The following TPM3 variants were observed in gnomAD, a reference collection of about 807,000 sequenced individuals.
The protein encoded by TPM3 is tropomyosin alpha-3 chain.
Under a neutral mutation model 43.1 loss-of-function variants are expected in TPM3, and 16 were observed. The ratio of observed to expected loss-of-function variants is 0.37; its 90% CI spans 0.25 to 0.56. TPM3 has a LOEUF of 0.56. TPM3 is among the 20% of genes least tolerant of loss of function. TPM3 has a pLI of 0.77. For synonymous variants in TPM3, 101 were observed against 116.9 expected (o/e 0.86, Z 0.88); for missense variants, 176 against 337.2 (o/e 0.52, Z 3.74).
chr1:154,160,202 C>G (rs371075294), downstream of TPM3, among the ~76,000 whole-genome samples: 9 of 152,232 alleles, frequency 5.9e-5, no homozygotes, highest in African/African-American at 2.2e-4. Context: ...CAAACTCTTC[C>G]TGGTATACTC....
chr1:154,192,092 T>A lies in TPM3; in HGVS notation c.-74A>T. 1 of 1,305,320 alleles carries A rather than the reference T, an allele frequency of 7.7e-7. No individual in the cohort carries two copies. The highest frequency in any genetic ancestry group is 1.2e-5 in the South Asian group (1 of 84,556). The allele number at this position is 1,305,320 out of a possible 1,614,324, so 80.9% of individuals were successfully genotyped here. ...ACTGGGGCAAGAAAGAAGGGGCTGC[T>A]GCCTGAGTGACCAGGAGGTCCCCAG... On this transcript the variant is annotated 5_prime_UTR_variant, in exon 1 of 10. Transcript: ENST00000651641.
At position 154,164,106 on chromosome 1, in the gene TPM3, T is replaced by C. The variant is rs1660698043; in HGVS notation, c.*3831A>G. 6.6e-6 allele frequency among the ~76,000 whole-genome samples: 1 copy of C among 152,068 alleles called. No individual in the cohort carries two copies. Among genetic ancestry groups the C allele is most frequent in the Admixed American group, 6.6e-5 (1 of 15,242 alleles). ...GATTGTCAGCCGTATCTTCTTTCCCTTCCCCCAGCTCCCCAAACCAGGACA... is the reference window on the plus strand; with the variant it reads ...GATTGTCAGCCGTATCTTCTTTCCCCTCCCCCAGCTCCCCAAACCAGGACA... On this transcript the variant is annotated 3_prime_UTR_variant, in exon 10 of 10. Coordinates refer to ENST00000651641, the MANE Select transcript of TPM3 (RefSeq NM_152263.4).
At position 154,192,025 on chromosome 1, in the gene TPM3, T is replaced by C. The variant is rs773857288; in HGVS notation, c.-7A>G. 1 of 1,611,064 alleles carries C rather than the reference T, an allele frequency of 6.2e-7. No individual in the cohort carries two copies. The highest frequency in any genetic ancestry group is 8.5e-7 in the Non-Finnish European group (1 of 1,177,834). On this transcript the variant is annotated 5_prime_UTR_variant, in exon 1 of 10. Transcript: ENST00000651641. ...TCTTGATGGCCTCCATCATGAGCAG[T>C]GGCTGTTGGTAGGCTCACCTGTGAA...
chr1:154,183,462 GC>G (rs1663211535), intron 2 of TPM3: 3 of 517,378 alleles, frequency 5.8e-6, no homozygotes, highest in Non-Finnish European at 9.9e-6. Context: ...CAGGCTGGCT[GC>G]CCACAATGGT....
At position 154,165,789 on chromosome 1, in the gene TPM3, CA is replaced by C. The variant is rs68185418; in HGVS notation, c.*2147del. 0.24 allele frequency among the ~76,000 whole-genome samples: 19,568 copies of C among 82,122 alleles called. 1,414 individuals are homozygous for C. Among genetic ancestry groups the C allele is most frequent in the East Asian group, 0.42 (1,510 of 3,600 alleles). The allele number at this position is 82,122 out of a possible 152,430, so 53.9% of individuals were successfully genotyped here. ...AGGTGACAAGAGTCAAACTCCGTCT[CA>C]AAAAAAAAAAAAAAAAGAAAAAAAG... is the stretch of plus-strand genomic sequence containing the variant. On this transcript the variant is annotated 3_prime_UTR_variant, in exon 10 of 10. Coordinates refer to ENST00000651641, the MANE Select transcript of TPM3 (RefSeq NM_152263.4).
Position 154,167,808 on chromosome 1 carries a change from T to TTGCTCCC in TPM3, c.*122_*128dup. The TTGCTCCC allele has an allele frequency of 6.3e-7, 1 of 1,585,954 alleles. No individual in the cohort carries two copies. The highest frequency in any genetic ancestry group is 2.3e-5 in the East Asian group (1 of 44,410). On this transcript the variant is annotated 3_prime_UTR_variant, in exon 10 of 10. Transcript: ENST00000651641. ...TGGAAGAAAATACATAAGTTGCTTT[T>TTGCTCCC]TGCTCCCCCATCCTAATGCCTTGGG...
At chr1:154,161,384 A>AC (rs1029591744), downstream of TPM3, among the ~76,000 whole-genome samples, 9 of 150,944 alleles carry the variant, frequency 6.0e-5, no homozygotes, top group Admixed American at 1.3e-4. Context: ...AATACCTATA[A>AC]CCAAGTTAGT....
chr1:154,183,147 C>T, intron 2 of TPM3: 14 of 1,597,664 alleles, frequency 8.8e-6, no homozygotes, highest in Non-Finnish European at 1.2e-5. Context: ...TGCTCGCGCT[C>T]CGGTTCCTGC....
At chr1:154,172,167 G>A (rs757624123) in intron 5 of TPM3, 20 of 1,539,972 alleles carry the variant, frequency 1.3e-5, no homozygotes, top group Middle Eastern at 1.7e-4. Context: ...AGGTCAAAAA[G>A]GAACACAGCA....
intron 2 of TPM3, among the ~76,000 whole-genome samples, chr1:154,184,329 T>A (rs1663293519): frequency 1.3e-5 from 2 of 152,074 alleles, no homozygotes; most frequent in South Asian, 4.1e-4. Flanking sequence ...CTGTTACTTT[T>A]GAGAGTCATC....
At chr1:154,184,836 C>T (rs1284002929) in intron 2 of TPM3, among the ~76,000 whole-genome samples, 1 of 151,946 alleles carries the variant, frequency 6.6e-6, no homozygotes, top group Non-Finnish European at 1.5e-5. Flanking sequence ...ATTTCTTGAG[C>T]CGGGAAGGCA....
intron 2 of TPM3, chr1:154,182,921 G>T (rs1292919765): frequency 1.4e-5 from 22 of 1,605,310 alleles, no homozygotes; most frequent in Non-Finnish European, 8.5e-6. Context: ...CGGCAAAAGG[G>T]ACCTTATTCC....
chr1:154,174,840 T>C (rs1662116113), intron 3 of TPM3, among the ~76,000 whole-genome samples: 1 of 151,770 alleles, frequency 6.6e-6, no homozygotes, highest in Non-Finnish European at 1.5e-5. Context: ...TACACATAGC[T>C]GCCTCTTTCA....
Position 154,170,661 on chromosome 1 carries a change from A to G in TPM3, c.693T>C (p.Asp231=), listed in dbSNP as rs1406440221. 1 of 1,612,782 alleles carries G rather than the reference A, an allele frequency of 6.2e-7. No homozygotes were observed. Among genetic ancestry groups the G allele is most frequent in the Non-Finnish European group, 8.5e-7 (1 of 1,179,184 alleles). The change falls in exon 7 of 10, where the codon GAT becomes GAC. Residue 231 remains aspartate, a synonymous_variant. Transcript: ENST00000651641. ...CCCCTCAGCTCACCTCCTTGAGTTT[A>G]TCAGTAAGAATCTTGATTTCTTCCT... ...KYEEEIKILT[D]KLKEAETRAE... is the part of the protein sequence containing the mutation.
chr1:154,155,814 TGTCA>T (rs1201235123), downstream of TPM3: 1 of 222,934 alleles, frequency 4.5e-6, no homozygotes, highest in Non-Finnish European at 8.9e-6. Flanking sequence ...CAGCCTGAGA[TGTCA>T]GTGTTAACCT....
chr1:154,167,777 T>A lies in TPM3; in HGVS notation c.*160A>T. 1 of 1,538,302 alleles carries A rather than the reference T, an allele frequency of 6.5e-7. No homozygotes were observed. Among genetic ancestry groups the A allele is most frequent in the Non-Finnish European group, 8.8e-7 (1 of 1,140,768 alleles). ...AGCAGCTTAACATTTTAATTTGGGG[T>A]GGGGGTGGAAGAAAATACATAAGTT... On this transcript the variant is annotated 3_prime_UTR_variant, in exon 10 of 10. Transcript: ENST00000651641.
intron 2 of TPM3, among the ~76,000 whole-genome samples, chr1:154,176,652 G>GAA (rs376095488): frequency 0.3 from 35,907 of 118,918 alleles, 6,497 homozygotes; most frequent in East Asian, 0.5. Flanking sequence ...TCATAAAGCA[G>GAA]GAAAAAAAAA....
downstream of TPM3, chr1:154,155,402 T>C (rs1659695937): frequency 3.2e-6 from 1 of 314,256 alleles, no homozygotes; most frequent in Non-Finnish European, 6.0e-6. Context: ...AAAAAAACTT[T>C]TTGCAATGAT....
intron 8 of TPM3, 94 bp downstream of exon 8, chr1:154,170,306 C>T: frequency 5.0e-6 from 7 of 1,406,944 alleles, no homozygotes; most frequent in Non-Finnish European, 7.0e-6. Context: ...AAGTCACTAC[C>T]AACTTCCTTT....
Sources: gnomAD v4.1 joint callset for allele counts (sites outside exome capture counted in the v4.1 genomes callset) on GRCh38, gnomAD v4.1.1 for gene constraint, MANE v1.5 for transcripts, NCBI Gene and HGNC (gene_info 2026-07-23, HGNC 2026-07-21) for gene names.